GRHL2: variants seen among roughly 807,000 people sequenced by gnomAD.
GRHL2 encodes grainyhead like transcription factor 2.
A neutral mutation model predicts 83.8 loss-of-function variants in GRHL2; 21 were observed. That is an observed-to-expected ratio of 0.25 (90% CI 0.18 to 0.36). The LOEUF (loss-of-function observed/expected upper bound fraction) is 0.36, where lower values mean the gene tolerates loss of function less well. Ranked by LOEUF, GRHL2 falls within the 10% of genes least tolerant of loss-of-function variation. GRHL2 has a pLI of 1.00. For missense variants in GRHL2, 623 were observed against 781.8 expected (o/e 0.80, Z 2.42); for synonymous variants, 280 against 278.9 (o/e 1.00, Z -0.04).
chr8:101,596,142 A>AT lies in GRHL2; in HGVS notation c.1004-2915_1004-2914insT, dbSNP rs1457493910. On this transcript the variant is annotated intron_variant, in intron 7 of 15. Coordinates refer to ENST00000646743, the MANE Select transcript of GRHL2 (RefSeq NM_024915.4). ...CTCAAAAAATAAAAATAAAAAAAAT[A>AT]AAATAAATAAATAAAACAGAGAAAA... Among the ~76,000 whole-genome samples the AT allele has an allele frequency of 2.1e-5, 3 of 146,278 alleles. No homozygotes were observed. The Admixed American group carries it at 2.1e-4, about 10-fold the overall frequency.
chr8:101,577,296 G>T, intron 6 of GRHL2, 112 bp from the exon 7 acceptor site: 1 of 740,076 alleles, frequency 1.4e-6, no homozygotes, highest in Admixed American at 2.0e-5. Flanking sequence ...CTTTTCTAAA[G>T]CAAGAAAAGC....
intron 1 of GRHL2, 101 bp downstream of exon 1, chr8:101,492,890 T>C (rs1321591349): frequency 9.2e-7 from 1 of 1,090,260 alleles, no homozygotes; most frequent in Non-Finnish European, 1.4e-6. Flanking sequence ...TTGTTGGTAT[T>C]TTTCTTTCTT....
At chr8:101,493,513 C>T (rs1475296031) in intron 1 of GRHL2, among the ~76,000 whole-genome samples, 1 of 151,890 alleles carries the variant, frequency 6.6e-6, no homozygotes, top group Non-Finnish European at 1.5e-5. Flanking sequence ...GGACGGTTCG[C>T]GAACTGGGGG....
intron 1 of GRHL2, among the ~76,000 whole-genome samples, chr8:101,513,593 C>A (rs1810510302): frequency 6.7e-6 from 1 of 149,060 alleles, no homozygotes; most frequent in Non-Finnish European, 1.5e-5. Context: ...CTCCTGGGTT[C>A]AAATGATTCT....
Position 101,559,351 on chromosome 8 carries a change from T to TGCAAAAAAAAAAAAAAA in GRHL2, c.678+539_678+540insGCAAAAAAAAAAAAAAA, listed in dbSNP as rs1285229771. On this transcript the variant is annotated intron_variant, in intron 4 of 15. Transcript: ENST00000646743. ...GGTGAACTCCTGTCTCTACTAAAAATACAAAAAAAAAAAAAAAAAAAAAAA... is the reference window on the plus strand; with the variant it reads ...GGTGAACTCCTGTCTCTACTAAAAATGCAAAAAAAAAAAAAAAACAAAAAAAAAAAAAAAAAAAAAAA... Among the ~76,000 whole-genome samples the TGCAAAAAAAAAAAAAAA allele has an allele frequency of 6.8e-4, 13 of 19,228 alleles. 1 individual carries two copies. The highest frequency in any genetic ancestry group is 3.2e-3 in the East Asian group (2 of 618). 12.6% of individuals were successfully genotyped at this position (19,228 alleles called of 152,430 possible).
At chr8:101,577,943 T>C (rs1162143217) in intron 7 of GRHL2, among the ~76,000 whole-genome samples, 1 of 152,190 alleles carries the variant, frequency 6.6e-6, no homozygotes, top group Non-Finnish European at 1.5e-5. Context: ...AGTTTCTAGT[T>C]CTCTGTCCAG....
At chr8:101,662,699 C>CTACTT (rs1474786029) in intron 14 of GRHL2, among the ~76,000 whole-genome samples, 1 of 152,116 alleles carries the variant, frequency 6.6e-6, no homozygotes, top group African/African-American at 2.4e-5. Flanking sequence ...TAAACTGTTA[C>CTACTT]TACTTTATAT....
At chr8:101,660,966 T>C (rs1356293416) in intron 14 of GRHL2, among the ~76,000 whole-genome samples, 2 of 152,230 alleles carry the variant, frequency 1.3e-5, no homozygotes, top group African/African-American at 4.8e-5. Context: ...TTCTTTGTCC[T>C]TTTTACTTCA....
chr8:101,505,750 T>A (rs1237644202), intron 1 of GRHL2, among the ~76,000 whole-genome samples: 1 of 152,180 alleles, frequency 6.6e-6, no homozygotes, highest in Non-Finnish European at 1.5e-5. Flanking sequence ...AAACACAAAT[T>A]TGCATTTCGA....
chr8:101,517,198 A>G (rs578129473), intron 1 of GRHL2, among the ~76,000 whole-genome samples: 24 of 152,276 alleles, frequency 1.6e-4, no homozygotes, highest in African/African-American at 5.8e-4. Context: ...TCAATAACTC[A>G]CAGTGGAAAA....
chr8:101,612,464 GTGGA>G (rs1031866097), intron 8 of GRHL2, among the ~76,000 whole-genome samples: 1 of 148,646 alleles, frequency 6.7e-6, no homozygotes, highest in Non-Finnish European at 1.5e-5. Flanking sequence ...TCTTCAGAGT[GTGGA>G]TGGATGGATG....
intron 14 of GRHL2, among the ~76,000 whole-genome samples, chr8:101,658,243 T>TG (rs1813841769): frequency 6.6e-6 from 1 of 152,246 alleles, no homozygotes; most frequent in African/African-American, 2.4e-5. Flanking sequence ...TGCTTCTTTG[T>TG]ACTGGATGGG....
chr8:101,620,486 A>G (rs967157646), intron 9 of GRHL2, among the ~76,000 whole-genome samples: 6 of 152,246 alleles, frequency 3.9e-5, no homozygotes, highest in African/African-American at 1.4e-4. Flanking sequence ...CACTTATAAA[A>G]TAAGTTCATT....
chr8:101,640,881 C>T (rs572738444), intron 12 of GRHL2, among the ~76,000 whole-genome samples: 2 of 152,310 alleles, frequency 1.3e-5, no homozygotes, highest in South Asian at 4.1e-4. Flanking sequence ...TCCCATGCTT[C>T]TTAAAGGCAC....
At chr8:101,566,647 A>C (rs1811724628) in intron 4 of GRHL2, among the ~76,000 whole-genome samples, 1 of 149,550 alleles carries the variant, frequency 6.7e-6, no homozygotes, top group Non-Finnish European at 1.5e-5. Context: ...TAACTGCCCG[A>C]TTGATTTTTT....
chr8:101,564,306 A>G (rs1209242854), intron 4 of GRHL2, among the ~76,000 whole-genome samples: 2 of 152,238 alleles, frequency 1.3e-5, no homozygotes, highest in Non-Finnish European at 2.9e-5. Context: ...AGAAAATTTC[A>G]TTAAGGAAAA....
At chr8:101,652,456 C>G (rs34489835) in intron 14 of GRHL2, among the ~76,000 whole-genome samples, 415 of 12,746 alleles carry the variant, frequency 0.033, 39 homozygotes, top group Admixed American at 0.056. Flanking sequence ...TGGTGTGTGT[C>G]TGGTGTGTGT....
At chr8:101,665,843 C>T (rs1222637587) in intron 15 of GRHL2, among the ~76,000 whole-genome samples, 1 of 152,212 alleles carries the variant, frequency 6.6e-6, no homozygotes, top group Non-Finnish European at 1.5e-5. Context: ...CAGCATCTGT[C>T]TGACTTCAAA....
In GRHL2 at chr8:101,648,995, G is replaced by T. The variant is rs148087866; in HGVS notation, c.1613-419G>T. Among the ~76,000 whole-genome samples, 11 of 152,236 alleles carry T rather than the reference G, an allele frequency of 7.2e-5. No homozygotes were observed. The East Asian group carries it at 2.1e-3, about 29-fold the overall frequency. On this transcript the variant is annotated intron_variant, in intron 13 of 15. Transcript: ENST00000646743. ...GGACTGCAAAATCCTTAAGGACAGG[G>T]GCTGTGATTTAACTAACACTGCCAC...
Sources: allele counts gnomAD v4.1 joint callset (sites outside exome capture counted in the v4.1 genomes callset), GRCh38; gene constraint gnomAD v4.1.1; transcripts MANE v1.5; gene names NCBI Gene and HGNC (gene_info 2026-07-23, HGNC 2026-07-21).